XPNPEP1: variants seen among roughly 807,000 people sequenced by gnomAD.
XPNPEP1 encodes X-prolyl aminopeptidase 1.
XPNPEP1 carries 39 observed loss-of-function variants against 92.4 expected under a neutral mutation model. The observed-to-expected ratio is 0.42, with a 90% CI of 0.33 to 0.55. The LOEUF is 0.55. Ranked by LOEUF, XPNPEP1 falls within the 20% of genes least tolerant of loss-of-function variation. The pLI is 0.08. For synonymous variants in XPNPEP1, 307 were observed against 299.4 expected (o/e 1.03, Z -0.26); for missense variants, 654 against 856.1 (o/e 0.76, Z 2.95).
In XPNPEP1 at chr10:109,888,563, G is replaced by T. The variant is rs1310614302; in HGVS notation, c.448C>A (p.Leu150Met). The change falls in exon 6 of 21, where the codon CTG becomes ATG. Residue 150 changes from leucine (L) to methionine (M), a missense_variant. Coordinates refer to ENST00000502935, the MANE Select transcript of XPNPEP1 (RefSeq NM_020383.4). ...LKDTPTQEDW[L>M]VSVLPEGSRV... is the part of the protein sequence containing the mutation. ...GATCCTTCAGGAAGCACACTCACCA[G>T]CCAGTCTTCCTGAGTTGGTGTGTCC... 6.2e-7 allele frequency: 1 copy of T among 1,610,998 alleles called. No individual in the cohort carries two copies. The highest frequency in any genetic ancestry group is 8.5e-7 in the Non-Finnish European group (1 of 1,178,456).
chr10:109,876,949 T>A (rs909769103), intron 14 of XPNPEP1: 2 of 152,300 alleles, frequency 1.3e-5, no homozygotes, highest in African/African-American at 4.8e-5. Context: ...TGTGGGTCCA[T>A]GGGTTCTTGT....
chr10:109,881,655 G>A (rs1848106077), intron 10 of XPNPEP1, among the ~76,000 whole-genome samples: 1 of 152,176 alleles, frequency 6.6e-6, no homozygotes, highest in African/African-American at 2.4e-5. Flanking sequence ...TTCCCAGGAT[G>A]CCCCACTGCT....
At chr10:109,878,270 C>T in intron 12 of XPNPEP1, 1 of 558,012 alleles carries the variant, frequency 1.8e-6, no homozygotes, top group Non-Finnish European at 3.2e-6. Context: ...TAATTTTTCA[C>T]TCAACTATTG....
chr10:109,888,485 G>T lies in XPNPEP1; in HGVS notation c.508+18C>A. ...AGCCACTTCCTTACCCAAGCAGAAA[G>T]GGACCAAGCTCACTTACCTGTAGGA... is the stretch of plus-strand genomic sequence containing the variant. On this transcript the variant is annotated intron_variant, in intron 6 of 20. Transcript: ENST00000502935. The T allele has an allele frequency of 6.3e-7, 1 of 1,596,864 alleles. No homozygotes were observed. Among genetic ancestry groups the T allele is most frequent in the Non-Finnish European group, 8.5e-7 (1 of 1,171,426 alleles).
chr10:109,914,862 A>T (rs993207975), intron 2 of XPNPEP1, 149 bp downstream of exon 2: 1 of 438,644 alleles, frequency 2.3e-6, no homozygotes, highest in East Asian at 3.5e-5. Context: ...AAGCCAAAAA[A>T]TAAAATGGTT....
chr10:109,887,920 G>A (rs1418759767), intron 7 of XPNPEP1, 129 bp downstream of exon 7: 16 of 1,315,864 alleles, frequency 1.2e-5, no homozygotes, highest in Non-Finnish European at 1.6e-5. Flanking sequence ...ATCCCACTGG[G>A]GCAGAGTAGG....
At chr10:109,878,200 A>G in intron 12 of XPNPEP1, 142 bp from the exon 13 acceptor site, 2 of 824,546 alleles carry the variant, frequency 2.4e-6, no homozygotes, top group Non-Finnish European at 3.9e-6. Context: ...ATCTTTAGCA[A>G]GGGAGAACTC....
chr10:109,903,204 T>C (rs1442795793), intron 3 of XPNPEP1, among the ~76,000 whole-genome samples: 1 of 152,162 alleles, frequency 6.6e-6, no homozygotes, highest in African/African-American at 2.4e-5. Context: ...CTACAAAGCT[T>C]CCAACACACC....
intron 3 of XPNPEP1, among the ~76,000 whole-genome samples, chr10:109,898,069 C>A (rs966660910): frequency 6.6e-6 from 1 of 152,166 alleles, no homozygotes; most frequent in East Asian, 1.9e-4. Context: ...TCTGAGGGAA[C>A]AAGGAATACG....
intron 1 of XPNPEP1, 51 bp downstream of exon 1, chr10:109,923,351 A>T: frequency 7.1e-7 from 1 of 1,403,230 alleles, no homozygotes; most frequent in African/African-American, 1.5e-5. Context: ...GCGGCCGCGC[A>T]GCGAGGGCTG....
intron 3 of XPNPEP1, among the ~76,000 whole-genome samples, chr10:109,894,534 A>G (rs1184795091): frequency 6.8e-6 from 1 of 147,932 alleles, no homozygotes; most frequent in African/African-American, 2.5e-5. Flanking sequence ...CCTTGTCTCA[A>G]AAAATTAAAA....
intron 2 of XPNPEP1, among the ~76,000 whole-genome samples, chr10:109,911,380 G>A (rs566263811): frequency 1.3e-5 from 2 of 152,144 alleles, no homozygotes; most frequent in East Asian, 3.9e-4. Context: ...CAAGTAAATG[G>A]GACTACAGGT....
At chr10:109,876,939 T>G (rs188908385) in intron 14 of XPNPEP1, 132 of 152,420 alleles carry the variant, frequency 8.7e-4, no homozygotes, top group African/African-American at 3.1e-3. Flanking sequence ...GGCTCGGCCC[T>G]GTGGGTCCAT....
chr10:109,910,797 T>C (rs1229711336), intron 2 of XPNPEP1, among the ~76,000 whole-genome samples: 1 of 152,130 alleles, frequency 6.6e-6, no homozygotes, highest in Non-Finnish European at 1.5e-5. Flanking sequence ...TGTTTTGGAG[T>C]TTGCCAACTC....
At chr10:109,893,590 C>T (rs1275598658) in intron 3 of XPNPEP1, 2 of 153,632 alleles carry the variant, frequency 1.3e-5, no homozygotes, top group African/African-American at 4.8e-5. Flanking sequence ...CTTCCTGCTA[C>T]AGAGTGAGCG....
intron 1 of XPNPEP1, among the ~76,000 whole-genome samples, chr10:109,921,715 A>G (rs1319982479): frequency 6.6e-6 from 1 of 152,186 alleles, no homozygotes; most frequent in African/African-American, 2.4e-5. Flanking sequence ...TTTCCTTTTG[A>G]GAATGTACCC....
At position 109,886,384 on chromosome 10, in the gene XPNPEP1, A is replaced by G; in HGVS notation, c.653-43T>C. The G allele has an allele frequency of 1.9e-6, 3 of 1,590,586 alleles. No individual in the cohort carries two copies. The Admixed American group carries it at 5.1e-5, about 27-fold the overall frequency. On this transcript the variant is annotated intron_variant, in intron 7 of 20. Transcript: ENST00000502935. ...GCTTTAACTCCAGCCCTGGTCCCAG[A>G]AAGCAGTAGGAACCCAGTGAAAGAA...
intron 12 of XPNPEP1, 64 bp downstream of exon 12, chr10:109,880,124 G>A: frequency 6.6e-7 from 1 of 1,522,738 alleles, no homozygotes; most frequent in Non-Finnish European, 9.1e-7. Flanking sequence ...GCTAGAGTTA[G>A]AATCACATAT....
At chr10:109,872,205 C>G (rs560076574) in intron 16 of XPNPEP1, among the ~76,000 whole-genome samples, 24 of 152,324 alleles carry the variant, frequency 1.6e-4, no homozygotes, top group African/African-American at 5.5e-4. Flanking sequence ...ATCCTCTGTG[C>G]CACGCACTAT....
Sources: gnomAD v4.1 joint callset for allele counts (sites outside exome capture counted in the v4.1 genomes callset) on GRCh38, gnomAD v4.1.1 for gene constraint, MANE v1.5 for transcripts, NCBI Gene and HGNC (gene_info 2026-07-23, HGNC 2026-07-21) for gene names.